The following SIN3B variants were observed in gnomAD, a reference collection of about 807,000 sequenced individuals.
The protein encoded by SIN3B is paired amphipathic helix protein Sin3b.
In SIN3B, 19 loss-of-function variants were observed where a neutral mutation model predicts 120.2. The ratio of observed to expected loss-of-function variants is 0.16; its 90% CI spans 0.11 to 0.23. SIN3B has a LOEUF of 0.23. Among genes scored for constraint, SIN3B ranks in the 10% least tolerant of loss-of-function variants. The pLI, the probability that SIN3B is intolerant of heterozygous loss-of-function variation, is 1.00. For synonymous variants in SIN3B, 654 were observed against 653.2 expected (o/e 1.00, Z -0.02); for missense variants, 1,073 against 1,573.0 (o/e 0.68, Z 5.38).
chr19:16,851,873 G>T (rs980979096), intron 6 of SIN3B, among the ~76,000 whole-genome samples: 1 of 152,212 alleles, frequency 6.6e-6, no homozygotes, highest in African/African-American at 2.4e-5. Context: ...GTTCAGGTTG[G>T]TCACTGCACA....
rs1423678690 is a variant in SIN3B, at chr19:16,829,642, T to G, written c.120+102T>G. ...GCCCGGCCCCAGCCCCACCTCGGCC[T>G]CCCCTCTGCACTGCCCCGGACCCCT... On this transcript the variant is annotated intron_variant, in intron 1 of 18. Transcript: ENST00000248054. 4.3e-6 allele frequency: 3 copies of G among 699,582 alleles called. No homozygotes were observed. The South Asian group carries it at 2.1e-4, about 49-fold the overall frequency. The allele number at this position is 699,582 out of a possible 1,614,324, so 43.3% of individuals were successfully genotyped here.
Position 16,865,262 on chromosome 19 carries a change from C to CA in SIN3B, c.1384-146dup, listed in dbSNP as rs1325171233. On this transcript the variant is annotated intron_variant, in intron 10 of 18. Transcript: ENST00000248054. ...TGAGCTTTGATTGTGCCACAGCACT[C>CA]AAGTCTGGGTGACAGAGCAAGACCC... The CA allele has an allele frequency of 8.1e-6, 5 of 619,564 alleles. No individual in the cohort carries two copies. The African/African-American group carries it at 9.2e-5, about 11-fold the overall frequency. The allele number at this position is 619,564 out of a possible 1,614,324, so 38.4% of individuals were successfully genotyped here.
At position 16,876,021 on chromosome 19, in the gene SIN3B, G is replaced by A. The variant is rs1489309077; in HGVS notation, c.2593-34G>A. 1.2e-5 allele frequency: 18 copies of A among 1,529,372 alleles called. No individual in the cohort carries two copies. Among genetic ancestry groups the A allele is most frequent in the South Asian group, 4.9e-5 (4 of 81,392 alleles). 94.7% of individuals were successfully genotyped at this position (1,529,372 alleles called of 1,614,324 possible). Reference sequence around the variant, plus strand: ...TGAGGTGGGGACTCCCGCAGGAGGCGGGGTGGCCGCACCACCTGCTTTCCT... The same window carrying A: ...TGAGGTGGGGACTCCCGCAGGAGGCAGGGTGGCCGCACCACCTGCTTTCCT... On this transcript the variant is annotated intron_variant, in intron 14 of 18. Coordinates refer to ENST00000248054, the MANE Select transcript of SIN3B (RefSeq NM_001297595.2). This position sits in a 1 kb window ranked among gnomAD's most constrained non-coding sequence, Gnocchi z 7.1.
At chr19:16,839,503 A>C (rs1247519117) in intron 3 of SIN3B, among the ~76,000 whole-genome samples, 3 of 152,126 alleles carry the variant, frequency 2.0e-5, no homozygotes, top group Non-Finnish European at 4.4e-5. Context: ...CAGAGGGTGC[A>C]TGCGGAGCTT....
chr19:16,839,830 A>G (rs1377898907), intron 3 of SIN3B, among the ~76,000 whole-genome samples: 1 of 152,168 alleles, frequency 6.6e-6, no homozygotes. Flanking sequence ...CAGCCTGGCC[A>G]ATATGGTGAA....
At chr19:16,832,191 C>CTTTTTTTTTTTTTTTT (rs10528185) in intron 3 of SIN3B, among the ~76,000 whole-genome samples, 1 of 125,434 alleles carries the variant, frequency 8.0e-6, no homozygotes, top group Non-Finnish European at 1.7e-5. Flanking sequence ...TGCTGGCCCT[C>CTTTTTTTTTTTTTTTT]TTTTTTTTTT....
rs146683431 is a variant in SIN3B, at chr19:16,863,011, C to T, written c.1266+452C>T. The T allele has an allele frequency of 3.1e-4, 467 of 1,502,300 alleles. 1 individual carries two copies. The highest frequency in any genetic ancestry group is 9.1e-4 in the South Asian group (81 of 88,636). 93.1% of individuals were successfully genotyped at this position (1,502,300 alleles called of 1,614,324 possible). On this transcript the variant is annotated intron_variant, in intron 9 of 18. Coordinates refer to ENST00000248054, the MANE Select transcript of SIN3B (RefSeq NM_001297595.2). ...AAACTCTGGCCCACGGGCCCTGGCC[C>T]GCTGCCCGTGTTTGTAAATAAAGTT...
chr19:16,868,491 G>A (rs886445385), intron 12 of SIN3B, among the ~76,000 whole-genome samples: 6 of 152,212 alleles, frequency 3.9e-5, no homozygotes, highest in African/African-American at 1.4e-4. Context: ...GTGGGAGGCT[G>A]GAGGAAGGGG....
rs12609224 is a variant in SIN3B at position 16,831,209 on chromosome 19, C to T, written c.228-285C>T. On this transcript the variant is annotated intron_variant, in intron 2 of 18. Coordinates refer to ENST00000248054, the MANE Select transcript of SIN3B (RefSeq NM_001297595.2). ...TCCTGAGTAGCTGGGACTGCAGGCA[C>T]GCACCACCACTCCAAGTTCGTTTTT... Among the ~76,000 whole-genome samples, 156 of 152,062 alleles carry T rather than the reference C, an allele frequency of 1.0e-3. 1 individual carries two copies. In the East Asian group the frequency reaches 0.019, roughly 18 times the overall value.
At position 16,879,017 on chromosome 19, in the gene SIN3B, G is replaced by A. The variant is rs79525636; in HGVS notation, c.*290G>A. 7.7e-4 allele frequency: 373 copies of A among 486,724 alleles called. No individual in the cohort carries two copies. The highest frequency in any genetic ancestry group is 6.4e-3 in the African/African-American group (324 of 50,340). The allele number at this position is 486,724 out of a possible 1,614,324, so 30.2% of individuals were successfully genotyped here. ...AGCAATCATGTTTGCGTCCCCGTCC[G>A]TCACATGTGCCAAATCCCTGGCAGG... On this transcript the variant is annotated 3_prime_UTR_variant, in exon 19 of 19. Coordinates refer to ENST00000248054, the MANE Select transcript of SIN3B (RefSeq NM_001297595.2).
intron 3 of SIN3B, among the ~76,000 whole-genome samples, chr19:16,836,643 G>A (rs578231762): frequency 4.6e-5 from 7 of 152,286 alleles, no homozygotes; most frequent in East Asian, 1.9e-4. Context: ...CTGGAACGTC[G>A]CCAGGGAGCA....
At chr19:16,855,373 C>CCG (rs376081584) in intron 8 of SIN3B, 7 of 66,980 alleles carry the variant, frequency 1.0e-4, no homozygotes, top group African/African-American at 2.8e-4. Flanking sequence ...GAAACCTTCC[C>CCG]CCCCCCCCCC....
intron 14 of SIN3B, among the ~76,000 whole-genome samples, chr19:16,874,192 C>G (rs2051550489): frequency 6.6e-6 from 1 of 152,270 alleles, no homozygotes; most frequent in African/African-American, 2.4e-5. Flanking sequence ...AGGCCACCTT[C>G]AGCTCATTCC....
intron 1 of SIN3B, 102 bp downstream of exon 1, chr19:16,829,642 T>A: frequency 1.4e-6 from 1 of 699,550 alleles, no homozygotes; most frequent in Admixed American, 1.8e-4. Context: ...CACCTCGGCC[T>A]CCCCTCTGCA....
chr19:16,846,113 C>T (rs144838331), intron 4 of SIN3B, among the ~76,000 whole-genome samples: 28 of 152,324 alleles, frequency 1.8e-4, no homozygotes, highest in African/African-American at 6.3e-4. Flanking sequence ...GGTCGTTGTT[C>T]TGTCCGTATG....
chr19:16,838,348 C>T (rs547205164), intron 3 of SIN3B, among the ~76,000 whole-genome samples: 1 of 152,302 alleles, frequency 6.6e-6, no homozygotes, highest in Admixed American at 6.5e-5. Flanking sequence ...ATTCTCCTCT[C>T]CCCAAGCCCC....
chr19:16,865,709 C>A, intron 11 of SIN3B, 61 bp downstream of exon 11: 1 of 1,064,820 alleles, frequency 9.4e-7, no homozygotes, highest in Non-Finnish European at 1.4e-6. Context: ...CCCCTCCCCT[C>A]CCCTCCCCTC....
At chr19:16,863,120 C>T (rs781721442) in intron 9 of SIN3B, 2 of 634,358 alleles carry the variant, frequency 3.2e-6, no homozygotes, top group Non-Finnish European at 5.6e-6. Context: ...GAGTATTCAT[C>T]TGGGATGGCC....
rs142063901 is a variant in SIN3B at position 16,865,577 on chromosome 19, C to T, written c.1551C>T (p.Gly517=). 312 of 1,613,074 alleles carry T rather than the reference C, an allele frequency of 1.9e-4. No individual in the cohort carries two copies. Among genetic ancestry groups the T allele is most frequent in the Non-Finnish European group, 2.5e-4 (291 of 1,179,530 alleles). Residue 517 remains glycine (G), a synonymous_variant, in exon 11 of 19, where the codon GGC becomes GGT. Coordinates refer to ENST00000248054, the MANE Select transcript of SIN3B (RefSeq NM_001297595.2). ...IQRRAIYRIY[G]DKAPEIIESL... is the part of the protein sequence containing the mutation. ...GCCGTGCCATTTATCGCATCTATGG[C>T]GACAAGGCCCCGGAGATCATCGAGA...
Sources: gnomAD v4.1 joint callset for allele counts (sites outside exome capture counted in the v4.1 genomes callset) on GRCh38, gnomAD v4.1.1 for gene constraint, Gnocchi (gnomAD v3.1) non-coding constraint, MANE v1.5 for transcripts, NCBI Gene and HGNC (gene_info 2026-07-23, HGNC 2026-07-21) for gene names.